Variants in TBC1D5 observed in about 807,000 individuals in gnomAD.
TBC1D5 encodes the protein TBC1 domain family, member 5.
A neutral mutation model predicts 100.3 loss-of-function variants in TBC1D5; 75 were observed. That is an observed-to-expected ratio of 0.75 (90% CI 0.62 to 0.91). The LOEUF is 0.91. Ranked by LOEUF, TBC1D5 falls within the 40% of genes least tolerant of loss-of-function variation. TBC1D5 has a pLI of 0.00. For synonymous variants in TBC1D5, 323 were observed against 325.6 expected (o/e 0.99, Z 0.09); for missense variants, 910 against 942.4 (o/e 0.97, Z 0.45).
At chr3:17,662,431 A>G (rs1190538081) in intron 1 of TBC1D5, among the ~76,000 whole-genome samples, 1 of 152,246 alleles carries the variant, frequency 6.6e-6, no homozygotes, top group Admixed American at 6.5e-5. Flanking sequence ...TGCTATTAAA[A>G]GTATAGTCTG....
intron 2 of TBC1D5, among the ~76,000 whole-genome samples, chr3:17,584,479 A>T (rs1270391926): frequency 2.6e-5 from 4 of 151,966 alleles, no homozygotes; most frequent in Admixed American, 2.6e-4. Flanking sequence ...GCTCTTAGAA[A>T]CTCATATTTA....
chr3:17,593,449 C>T (rs1402191760), intron 2 of TBC1D5, among the ~76,000 whole-genome samples: 1 of 152,114 alleles, frequency 6.6e-6, no homozygotes, highest in African/African-American at 2.4e-5. Flanking sequence ...ACTGAGCCCT[C>T]GATATGGCAC....
chr3:17,549,029 G>A (rs943248625), intron 2 of TBC1D5, among the ~76,000 whole-genome samples: 1 of 152,232 alleles, frequency 6.6e-6, no homozygotes, highest in Non-Finnish European at 1.5e-5. Flanking sequence ...CAGGCAGGGT[G>A]GCTCATGCCT....
chr3:17,556,510 G>C (rs113956478), intron 2 of TBC1D5, among the ~76,000 whole-genome samples: 1 of 151,906 alleles, frequency 6.6e-6, no homozygotes, highest in Non-Finnish European at 1.5e-5. Context: ...TTCTCCTCTC[G>C]ATGCCATCTT....
At chr3:17,358,169 T>C (rs1559712153) in intron 13 of TBC1D5, among the ~76,000 whole-genome samples, 1 of 58,236 alleles carries the variant, frequency 1.7e-5, no homozygotes, top group Non-Finnish European at 4.1e-5. Context: ...CAATGTTCAC[T>C]TTTTTTTTGT....
intron 3 of TBC1D5, among the ~76,000 whole-genome samples, chr3:17,480,332 A>C (rs894338704): frequency 3.9e-5 from 6 of 152,214 alleles, no homozygotes; most frequent in Non-Finnish European, 8.8e-5. Flanking sequence ...GCAGCTCCCC[A>C]GTGAAGCCCC....
chr3:17,508,488 G>C, exon 3 of TBC1D5: 4 of 1,613,362 alleles, frequency 2.5e-6, no homozygotes, highest in Middle Eastern at 3.3e-4. Context: ...AGACTTGTTA[G>C]AGTAACTGGA....
At chr3:17,328,255 G>C (rs1035384295) in intron 13 of TBC1D5, among the ~76,000 whole-genome samples, 1 of 151,142 alleles carries the variant, frequency 6.6e-6, no homozygotes, top group Non-Finnish European at 1.5e-5. Flanking sequence ...GAGTGACAGA[G>C]GAGACCCTGT....
chr3:17,171,189 T>G (rs1383024979), intron 19 of TBC1D5, among the ~76,000 whole-genome samples: 1 of 152,060 alleles, frequency 6.6e-6, no homozygotes, highest in African/African-American at 2.4e-5. Flanking sequence ...ACAAAAGCTG[T>G]GACAGGGATC....
chr3:17,233,616 T>C lies in TBC1D5; in HGVS notation c.1588+4547A>G, dbSNP rs2075612713. 48 of 907,460 alleles carry C rather than the reference T, an allele frequency of 5.3e-5. No individual in the cohort carries two copies. The South Asian group carries it at 8.2e-4, about 15-fold the overall frequency. The allele number at this position is 907,460 out of a possible 1,614,324, so 56.2% of individuals were successfully genotyped here. A position where few individuals can be genotyped will look rare whatever the true frequency, so the allele number is the denominator to read the frequency against. ...AGGGTGGGCAAAAAGAAAAATGGAG[T>C]TTTGGAGTAGGCAATGATAATACTG... On this transcript the variant is annotated intron_variant, in intron 17 of 21. Transcript: ENST00000253692.
chr3:17,344,720 T>C (rs1221653188), intron 13 of TBC1D5, among the ~76,000 whole-genome samples: 1 of 152,020 alleles, frequency 6.6e-6, no homozygotes, highest in Admixed American at 6.5e-5. Flanking sequence ...AAAACAGAGA[T>C]ATAGATCAAT....
chr3:17,587,869 C>T (rs2096742211), intron 2 of TBC1D5, among the ~76,000 whole-genome samples: 1 of 151,908 alleles, frequency 6.6e-6, no homozygotes, highest in Non-Finnish European at 1.5e-5. Flanking sequence ...TGTAAAAATA[C>T]AGACCATTTT....
chr3:17,717,209 T>C (rs1461656976), intron 1 of TBC1D5, among the ~76,000 whole-genome samples: 1 of 151,062 alleles, frequency 6.6e-6, no homozygotes, highest in African/African-American at 2.4e-5. Context: ...TGAAAAAATA[T>C]GCCATGAGGG....
At chr3:17,486,130 TA>T (rs1405953983) in intron 3 of TBC1D5, among the ~76,000 whole-genome samples, 2 of 152,186 alleles carry the variant, frequency 1.3e-5, no homozygotes, top group Non-Finnish European at 2.9e-5. Context: ...TTTGGCTGCA[TA>T]AATGTCTTCT....
intron 17 of TBC1D5, among the ~76,000 whole-genome samples, chr3:17,231,743 C>A (rs1014317458): frequency 6.6e-6 from 1 of 152,120 alleles, no homozygotes; most frequent in African/African-American, 2.4e-5. Flanking sequence ...AAGTGACTTC[C>A]CCAAATCAGG....
chr3:17,336,616 A>T (rs538888145), intron 13 of TBC1D5, among the ~76,000 whole-genome samples: 1 of 152,208 alleles, frequency 6.6e-6, no homozygotes, highest in Admixed American at 6.5e-5. Context: ...TCAAGAAAGT[A>T]AATGTTTGAC....
intron 2 of TBC1D5, among the ~76,000 whole-genome samples, chr3:17,564,490 T>A (rs908160611): frequency 3.9e-5 from 6 of 152,178 alleles, no homozygotes; most frequent in Non-Finnish European, 5.9e-5. Context: ...ACAATTATAA[T>A]TCAACATGAT....
At chr3:17,650,875 A>C (rs2065482234) in intron 1 of TBC1D5, among the ~76,000 whole-genome samples, 1 of 152,232 alleles carries the variant, frequency 6.6e-6, no homozygotes, top group East Asian at 1.9e-4. Context: ...CTTCATTTAT[A>C]CAAGGCAATC....
At chr3:17,399,538 C>T (rs1243973155) in intron 8 of TBC1D5, among the ~76,000 whole-genome samples, 1 of 152,068 alleles carries the variant, frequency 6.6e-6, no homozygotes, top group East Asian at 1.9e-4. Flanking sequence ...GCTAACATTA[C>T]CTAACTTGAA....
Sources: allele counts gnomAD v4.1 joint callset (sites outside exome capture counted in the v4.1 genomes callset), GRCh38; gene constraint gnomAD v4.1.1; transcripts MANE v1.5; gene names NCBI Gene and HGNC (gene_info 2026-07-23, HGNC 2026-07-21).